Variants in SORL1 observed in about 807,000 individuals in gnomAD.
SORL1 encodes the protein sortilin-related receptor.
In SORL1, 127 loss-of-function variants were observed where a neutral mutation model predicts 273.7. The observed-to-expected ratio is 0.46, with a 90% CI of 0.40 to 0.54. SORL1 has a LOEUF of 0.54. Among genes scored for constraint, SORL1 ranks in the 20% least tolerant of loss-of-function variants. SORL1 has a pLI of 0.00. For synonymous variants in SORL1, 1,031 were observed against 1,067.4 expected (o/e 0.97, Z 0.66); for missense variants, 2,494 against 2,846.1 (o/e 0.88, Z 2.81).
intron 5 of SORL1, among the ~76,000 whole-genome samples, chr11:121,491,290 CA>C (rs1245152540): frequency 1.1e-4 from 17 of 152,286 alleles, no homozygotes; most frequent in African/African-American, 4.1e-4. Flanking sequence ...GTGAAATAAA[CA>C]GGCTGTACTT....
intron 11 of SORL1, among the ~76,000 whole-genome samples, chr11:121,527,798 G>T (rs780506397): frequency 6.6e-6 from 1 of 152,030 alleles, no homozygotes; most frequent in African/African-American, 2.4e-5. Context: ...TCTTTTTAAT[G>T]TCTGTAGGAT....
intron 41 of SORL1, among the ~76,000 whole-genome samples, chr11:121,617,435 A>G (rs1863658077): frequency 6.6e-6 from 1 of 152,238 alleles, no homozygotes. Flanking sequence ...TCTGATGAGA[A>G]TTTATGGTTT....
At chr11:121,493,971 G>C (rs1202404852) in intron 5 of SORL1, among the ~76,000 whole-genome samples, 1 of 152,094 alleles carries the variant, frequency 6.6e-6, no homozygotes, top group African/African-American at 2.4e-5. Flanking sequence ...CAAAAGTTGT[G>C]GGATCTTAGT....
chr11:121,557,331 C>T lies in SORL1; in HGVS notation c.2589C>T (p.Gly863=), dbSNP rs746423950. 2.2e-5 allele frequency: 36 copies of T among 1,613,814 alleles called. No individual in the cohort carries two copies. Among genetic ancestry groups the T allele is most frequent in the Middle Eastern group, 1.6e-4 (1 of 6,084 alleles). ...TTTGTCAGGTAGCTAATCCAGATGGCGACTTCCGACTCACAATCGTCAATT... is the reference window on the plus strand; with the variant it reads ...TTTGTCAGGTAGCTAATCCAGATGGTGACTTCCGACTCACAATCGTCAATT... The part of the protein sequence containing the change: ...FKKIEVANPD[G]DFRLTIVNSS... The change falls in exon 19 of 48, where the codon GGC becomes GGT. Residue 863 remains glycine (G), a synonymous_variant. Coordinates refer to ENST00000260197, the MANE Select transcript of SORL1 (RefSeq NM_003105.6).
At chr11:121,465,290 G>A (rs1220539530) in intron 1 of SORL1, among the ~76,000 whole-genome samples, 1 of 152,058 alleles carries the variant, frequency 6.6e-6, no homozygotes, top group Non-Finnish European at 1.5e-5. Flanking sequence ...TTTGTATCTG[G>A]CTTCTTTCAC....
Position 121,570,194 on chromosome 11 carries a change from C to G in SORL1, c.3261C>G (p.Asn1087Lys), listed in dbSNP as rs114921128. 6.2e-7 allele frequency: 1 copy of G among 1,613,800 alleles called. No individual in the cohort carries two copies. The highest frequency in any genetic ancestry group is 1.7e-5 in the Admixed American group (1 of 59,982). The change falls in exon 23 of 48, where the codon AAC becomes AAG. Residue 1087 changes from asparagine (N) to lysine (K), a missense_variant. Physicochemically the swap from Asn to Lys is moderately conservative, Grantham distance 94. Around this residue, in one of 3 missense-constraint regions of SORL1, gnomAD observed 1,609 missense variants for 1,816.4 expected, o/e 0.89. Coordinates refer to ENST00000260197, the MANE Select transcript of SORL1 (RefSeq NM_003105.6). The part of the protein sequence containing the change: ...TCLRNQYRCS[N>K]GNCINSIWWC... ...TTCGCAACCAGTATCGCTGCAGCAA[C>G]GGGAACTGTATCAACAGCATTTGGT...
chr11:121,544,984 T>G (rs567771108), intron 13 of SORL1, among the ~76,000 whole-genome samples: 3 of 152,218 alleles, frequency 2.0e-5, no homozygotes, highest in African/African-American at 4.8e-5. Context: ...TCTTCTGTAA[T>G]GTTTCGGAAA....
At chr11:121,495,862 T>C (rs566031474) in intron 5 of SORL1, among the ~76,000 whole-genome samples, 1 of 152,222 alleles carries the variant, frequency 6.6e-6, no homozygotes, top group South Asian at 2.1e-4. Context: ...CTAGGAATAC[T>C]ATAGGGTAAA....
intron 25 of SORL1, among the ~76,000 whole-genome samples, chr11:121,578,346 G>A (rs1189023235): frequency 6.6e-6 from 1 of 152,206 alleles, no homozygotes; most frequent in Non-Finnish European, 1.5e-5. Flanking sequence ...TATTAATCTT[G>A]TGAATTATTG....
intron 1 of SORL1, among the ~76,000 whole-genome samples, chr11:121,458,698 G>A (rs1295142522): frequency 6.6e-6 from 1 of 152,224 alleles, no homozygotes; most frequent in African/African-American, 2.4e-5. Context: ...TTATCGACCT[G>A]TGAACCCTGG....
intron 46 of SORL1, among the ~76,000 whole-genome samples, chr11:121,625,488 G>T (rs1438287812): frequency 6.6e-6 from 1 of 152,126 alleles, no homozygotes; most frequent in East Asian, 1.9e-4. Context: ...GATTACAGGG[G>T]GACCGGATTC....
At chr11:121,624,991 C>CA in intron 45 of SORL1, 94 bp from the exon 46 acceptor site, 1 of 885,160 alleles carries the variant, frequency 1.1e-6, no homozygotes, top group Non-Finnish European at 1.8e-6. Flanking sequence ...TGTAGCAGCC[C>CA]ACAGTGAGGA....
intron 27 of SORL1, among the ~76,000 whole-genome samples, chr11:121,587,219 G>A (rs1863129508): frequency 6.6e-6 from 1 of 152,136 alleles, no homozygotes; most frequent in African/African-American, 2.4e-5. Flanking sequence ...ATATGCATAT[G>A]TATATATATA....
rs1424200169 is a variant in SORL1 at position 121,607,233 on chromosome 11, T to C, written c.5109T>C (p.Ala1703=). The change falls in exon 37 of 48, where the codon GCT becomes GCC. Residue 1703 remains alanine (A), a synonymous_variant. Coordinates refer to ENST00000260197, the MANE Select transcript of SORL1 (RefSeq NM_003105.6). ...SGSKMWASQR[A]ASNFTEIKNL... ...CCAAGATGTGGGCCTCCCAGAGGGC[T>C]GCTAGTAACTTTACAGAAATCAAGA... 1.2e-6 allele frequency: 2 copies of C among 1,612,990 alleles called. No individual in the cohort carries two copies. Among genetic ancestry groups the C allele is most frequent in the Non-Finnish European group, 1.7e-6 (2 of 1,178,930 alleles).
At chr11:121,489,033 C>T (rs1041410087) in intron 4 of SORL1, among the ~76,000 whole-genome samples, 1 of 152,042 alleles carries the variant, frequency 6.6e-6, no homozygotes, top group Non-Finnish European at 1.5e-5. Flanking sequence ...GTTGCTAGGG[C>T]CGGAGGAACC....
intron 3 of SORL1, among the ~76,000 whole-genome samples, chr11:121,485,933 G>A (rs941161086): frequency 3.9e-5 from 6 of 152,176 alleles, no homozygotes; most frequent in Non-Finnish European, 5.9e-5. Context: ...GTGAGAGAGC[G>A]AATCCACAAA....
intron 33 of SORL1, among the ~76,000 whole-genome samples, chr11:121,604,835 T>C (rs978849227): frequency 4.6e-5 from 7 of 152,222 alleles, no homozygotes; most frequent in African/African-American, 7.2e-5. Context: ...GAGATTTCTT[T>C]TCAGATAATG....
intron 25 of SORL1, among the ~76,000 whole-genome samples, 176 bp downstream of exon 25, chr11:121,577,576 A>G (rs1862953410): frequency 6.6e-6 from 1 of 152,268 alleles, no homozygotes. Context: ...CTGTGCCAGA[A>G]TGTAAATCAA....
At chr11:121,481,564 T>C (rs75193629) in intron 3 of SORL1, among the ~76,000 whole-genome samples, 182 of 40,396 alleles carry the variant, frequency 4.5e-3, no homozygotes, top group Middle Eastern at 0.021. Flanking sequence ...TAGGCAGGCT[T>C]CATCTCCTCC....
Sources: allele counts gnomAD v4.1 joint callset (sites outside exome capture counted in the v4.1 genomes callset), GRCh38; gene constraint gnomAD v4.1.1; regional missense constraint gnomAD v4.1.1; transcripts MANE v1.5; gene names NCBI Gene and HGNC (gene_info 2026-07-23, HGNC 2026-07-21).